The following GREB1L variants were observed in gnomAD, a reference collection of about 807,000 sequenced individuals.
GREB1L encodes the protein GREB1-like protein.
A neutral mutation model predicts 200.8 loss-of-function variants in GREB1L; 17 were observed. The observed-to-expected ratio is 0.08, with a 90% CI of 0.06 to 0.13. The LOEUF is 0.13. Ranked by LOEUF, GREB1L falls within the 10% of genes least tolerant of loss-of-function variation. GREB1L has a pLI of 1.00. For synonymous variants in GREB1L, 789 were observed against 893.0 expected (o/e 0.88, Z 2.08); for missense variants, 1,657 against 2,367.7 (o/e 0.70, Z 6.23).
chr18:21,345,398 A>G (rs1277994682), intron 1 of GREB1L, among the ~76,000 whole-genome samples: 1 of 152,196 alleles, frequency 6.6e-6, no homozygotes, highest in Non-Finnish European at 1.5e-5. Flanking sequence ...CGTGGTCTTT[A>G]ACACGTTGTG....
At chr18:21,266,391 T>C (rs1323410428) in intron 1 of GREB1L, among the ~76,000 whole-genome samples, 1 of 152,196 alleles carries the variant, frequency 6.6e-6, no homozygotes, top group Non-Finnish European at 1.5e-5. Context: ...AGGGCTGACA[T>C]ATGCAGCTGG....
intron 17 of GREB1L, among the ~76,000 whole-genome samples, chr18:21,481,867 C>G (rs2035935821): frequency 6.6e-6 from 1 of 152,204 alleles, no homozygotes; most frequent in African/African-American, 2.4e-5. Flanking sequence ...CACCACAATT[C>G]ATGTATCCAT....
chr18:21,294,271 C>G (rs2038494633), intron 1 of GREB1L, among the ~76,000 whole-genome samples: 2 of 152,052 alleles, frequency 1.3e-5, no homozygotes, highest in South Asian at 2.1e-4. Context: ...GATAGCACAG[C>G]TCTAGAAATT....
intron 18 of GREB1L, among the ~76,000 whole-genome samples, chr18:21,487,846 CAAAA>C (rs749678621): frequency 8.0e-6 from 1 of 125,298 alleles, no homozygotes; most frequent in Non-Finnish European, 1.7e-5. Context: ...ACTAAAAATA[CAAAA>C]AAAAAAAAAA....
chr18:21,457,156 A>C (rs368472858), intron 15 of GREB1L, among the ~76,000 whole-genome samples: 1 of 152,118 alleles, frequency 6.6e-6, no homozygotes, highest in African/African-American at 2.4e-5. Flanking sequence ...AGATGAATAA[A>C]TTGTGCAGGT....
intron 18 of GREB1L, among the ~76,000 whole-genome samples, chr18:21,488,791 G>A (rs1362672121): frequency 1.3e-5 from 2 of 152,040 alleles, no homozygotes; most frequent in Non-Finnish European, 2.9e-5. Context: ...CAAGTAGCTG[G>A]GATTACAGGC....
rs1267306793 is a variant in GREB1L, at chr18:21,473,201, G to A, written c.2353G>A (p.Glu785Lys). 4 of 1,526,578 alleles carry A rather than the reference G, an allele frequency of 2.6e-6. No homozygotes were observed. The highest frequency in any genetic ancestry group is 3.5e-6 in the Non-Finnish European group (4 of 1,133,194). The allele number at this position is 1,526,578 out of a possible 1,614,324, so 94.6% of individuals were successfully genotyped here. A position where few individuals can be genotyped will look rare whatever the true frequency, so the allele number is the denominator to read the frequency against. Reference protein sequence around the residue: ...FVLVHDNSHVELTSVISGSLS... With the variant: ...FVLVHDNSHVKLTSVISGSLS... ...GCTAGTTCATGACAACTCCCATGTG[G>A]AACTAACGAGGTGATTGGTTCAGAG... The change falls in exon 16 of 33, where the codon GAA (glutamate) becomes AAA (lysine). Residue 785 changes from glutamate to lysine, a missense_variant. Physicochemically the swap from Glu to Lys is moderately conservative, Grantham distance 56. Coordinates refer to ENST00000424526, the MANE Select transcript of GREB1L (RefSeq NM_001142966.3).
chr18:21,376,391 G>T (rs113953490), intron 2 of GREB1L, among the ~76,000 whole-genome samples: 18 of 150,250 alleles, frequency 1.2e-4, no homozygotes, highest in African/African-American at 3.9e-4. Context: ...CAAAGTGCTG[G>T]GATTACAGGA....
intron 1 of GREB1L, among the ~76,000 whole-genome samples, chr18:21,306,818 TTAAGGGA>T (rs2038708951): frequency 6.6e-6 from 1 of 152,230 alleles, no homozygotes; most frequent in Non-Finnish European, 1.5e-5. Flanking sequence ...ATGCCTATGC[TTAAGGGA>T]GAAGGGAGAA....
chr18:21,315,734 C>T (rs2038857331), intron 1 of GREB1L, among the ~76,000 whole-genome samples: 1 of 152,026 alleles, frequency 6.6e-6, no homozygotes, highest in African/African-American at 2.4e-5. Context: ...ACGTTTCATC[C>T]TTCTGCTTGG....
At chr18:21,428,910 G>T (rs911475001) in intron 7 of GREB1L, among the ~76,000 whole-genome samples, 2 of 151,786 alleles carry the variant, frequency 1.3e-5, no homozygotes, top group Admixed American at 1.3e-4. Context: ...TAGAGGTGGG[G>T]TTTCACCATG....
rs1317697576 is a variant in GREB1L, at chr18:21,451,111, G to A, written c.1809G>A (p.Lys603=). 9.0e-6 allele frequency: 14 copies of A among 1,551,412 alleles called. No individual in the cohort carries two copies. The highest frequency in any genetic ancestry group is 1.4e-5 in the African/African-American group (1 of 73,034). The change falls in exon 13 of 33, where the codon AAG becomes AAA. Residue 603 remains lysine (K), a synonymous_variant. Coordinates refer to ENST00000424526, the MANE Select transcript of GREB1L (RefSeq NM_001142966.3). ...KEISYELITG[K]VSFLASHFKT... Reference sequence around the variant, plus strand: ...TTAGTTATGAGCTTATCACAGGAAAGGTCAGTTTCCTGGCATCACATTTCA... The same window carrying A: ...TTAGTTATGAGCTTATCACAGGAAAAGTCAGTTTCCTGGCATCACATTTCA...
chr18:21,351,655 A>G (rs2039435036), intron 1 of GREB1L, among the ~76,000 whole-genome samples: 1 of 151,958 alleles, frequency 6.6e-6, no homozygotes, highest in African/African-American at 2.4e-5. Flanking sequence ...AGGAATAGAT[A>G]TTACATTCTG....
intron 21 of GREB1L, 88 bp downstream of exon 21, chr18:21,496,786 C>T: frequency 1.4e-6 from 2 of 1,424,176 alleles, no homozygotes; most frequent in Non-Finnish European, 1.9e-6. Context: ...TTTACTGACA[C>T]CCCAACGGCC....
At chr18:21,379,926 A>T (rs2040234912) in intron 2 of GREB1L, among the ~76,000 whole-genome samples, 2 of 151,928 alleles carry the variant, frequency 1.3e-5, no homozygotes. Flanking sequence ...GACTTTGTTG[A>T]TTTTCTTCTA....
intron 15 of GREB1L, among the ~76,000 whole-genome samples, chr18:21,467,895 T>G (rs182764838): frequency 4.6e-5 from 7 of 151,916 alleles, no homozygotes; most frequent in South Asian, 4.2e-4. Context: ...CGTGGTGGCA[T>G]GCACCTGTAG....
At chr18:21,242,885 G>C (rs1322547622) in intron 1 of GREB1L, among the ~76,000 whole-genome samples, 3 of 152,158 alleles carry the variant, frequency 2.0e-5, no homozygotes, top group Non-Finnish European at 2.9e-5. Flanking sequence ...CAGGTAGGGC[G>C]CCGCGGAGGT....
At chr18:21,281,908 T>C (rs1008336219) in intron 1 of GREB1L, among the ~76,000 whole-genome samples, 4 of 152,172 alleles carry the variant, frequency 2.6e-5, no homozygotes, top group African/African-American at 9.7e-5. Context: ...GTTTTAGAAA[T>C]TTCCCACTAA....
chr18:21,369,038 A>G (rs1037840271), intron 2 of GREB1L, among the ~76,000 whole-genome samples: 3 of 152,238 alleles, frequency 2.0e-5, no homozygotes, highest in Admixed American at 6.5e-5. Context: ...TTAGTTATCT[A>G]TGCCTTTCTC....
Sources: gnomAD v4.1 joint callset for allele counts (sites outside exome capture counted in the v4.1 genomes callset) on GRCh38, gnomAD v4.1.1 for gene constraint, MANE v1.5 for transcripts, NCBI Gene and HGNC (gene_info 2026-07-23, HGNC 2026-07-21) for gene names.